LRRC40: variants seen among roughly 807,000 people sequenced by gnomAD.
The protein encoded by LRRC40 is leucine-rich repeat-containing protein 40.
A neutral mutation model predicts 72.8 loss-of-function variants in LRRC40; 76 were observed. The ratio of observed to expected loss-of-function variants is 1.04; its 90% confidence interval spans 0.87 to 1.26. The LOEUF is 1.26. Among genes scored for constraint, LRRC40 ranks in the 50% most tolerant of loss-of-function variants. The pLI is 0.00. For missense variants in LRRC40, 684 were observed against 698.9 expected (o/e 0.98, Z 0.24); for synonymous variants, 243 against 254.2 (o/e 0.96, Z 0.42).
chr1:70,179,308 A>T (rs1355561721), intron 5 of LRRC40, among the ~76,000 whole-genome samples: 1 of 151,978 alleles, frequency 6.6e-6, no homozygotes, highest in East Asian at 1.9e-4. Flanking sequence ...ATATAGTGAA[A>T]CATCGTCTCT....
intron 11 of LRRC40, among the ~76,000 whole-genome samples, chr1:70,154,434 T>C (rs1489798350): frequency 6.6e-6 from 1 of 152,194 alleles, no homozygotes; most frequent in Non-Finnish European, 1.5e-5. Context: ...ATTAACTTAT[T>C]TGATCCAGGA....
chr1:70,171,875 C>T (rs1465036923), intron 9 of LRRC40, among the ~76,000 whole-genome samples: 4 of 152,070 alleles, frequency 2.6e-5, no homozygotes, highest in African/African-American at 7.2e-5. Context: ...TGAAAACATA[C>T]ATTCACACTG....
chr1:70,151,712 A>G (rs1667495724), intron 12 of LRRC40: 1 of 152,090 alleles, frequency 6.6e-6, no homozygotes, highest in Non-Finnish European at 1.5e-5. Flanking sequence ...TAAGTTTAGA[A>G]TTTAAATTTA....
chr1:70,187,397 G>T, intron 2 of LRRC40, 59 bp from the exon 3 acceptor site: 1 of 825,694 alleles, frequency 1.2e-6, no homozygotes, highest in Non-Finnish European at 2.0e-6. Flanking sequence ...CAATATATAA[G>T]CTTTGCCAGT....
intron 1 of LRRC40, among the ~76,000 whole-genome samples, chr1:70,193,187 G>C (rs1434155298): frequency 1.3e-5 from 2 of 151,282 alleles, no homozygotes; most frequent in East Asian, 3.9e-4. Context: ...AACAAACAGA[G>C]AAAAAGCAAT....
intron 11 of LRRC40, among the ~76,000 whole-genome samples, chr1:70,153,819 A>C (rs993283012): frequency 1.3e-5 from 2 of 152,026 alleles, no homozygotes; most frequent in African/African-American, 4.8e-5. Context: ...TGGTCTCTAC[A>C]AAAATTAGTG....
At position 70,185,520 on chromosome 1, in the gene LRRC40, A is replaced by G. The variant is rs371269920; in HGVS notation, c.408-606T>C. 1.9e-3 allele frequency among the ~76,000 whole-genome samples: 282 copies of G among 152,268 alleles called. 2 individuals carry two copies. Among genetic ancestry groups the G allele is most frequent in the African/African-American group, 6.4e-3 (264 of 41,558 alleles). On this transcript the variant is annotated intron_variant, in intron 3 of 14. Coordinates refer to ENST00000370952, the MANE Select transcript of LRRC40 (RefSeq NM_017768.5). ...CCATGATTCTGAGGCATCCCCAGCCATGTGGAACTGTAAGTCCAATTAAAC... is the reference window on the plus strand; with the variant it reads ...CCATGATTCTGAGGCATCCCCAGCCGTGTGGAACTGTAAGTCCAATTAAAC...
chr1:70,200,516 T>C (rs1668713357), intron 1 of LRRC40, among the ~76,000 whole-genome samples: 1 of 151,920 alleles, frequency 6.6e-6, no homozygotes, highest in African/African-American at 2.4e-5. Flanking sequence ...ACTATGTAAA[T>C]GTGAAGAGAG....
Position 70,155,689 on chromosome 1 carries a change from C to A in LRRC40, c.1328G>T (p.Arg443Met). 6.7e-7 allele frequency: 1 copy of A among 1,486,026 alleles called. No individual in the cohort carries two copies. The highest frequency in any genetic ancestry group is 9.2e-7 in the Non-Finnish European group (1 of 1,089,052). 92.1% of individuals were successfully genotyped at this position (1,486,026 alleles called of 1,614,324 possible). ...SKNQLCEIPK[R>M]MVELKEMVSD... ...ATAGACATGGCATCATAGTTCTTACCTTTTTGGAATTTCACATAGTTGATT... is the reference window on the plus strand; with the variant it reads ...ATAGACATGGCATCATAGTTCTTACATTTTTGGAATTTCACATAGTTGATT... Residue 443 changes from arginine (R) to methionine (M), a missense_variant and splice_region_variant, in exon 11 of 15, where the codon AGG (arginine) becomes ATG (methionine). Transcript: ENST00000370952.
intron 9 of LRRC40, among the ~76,000 whole-genome samples, chr1:70,161,041 A>G (rs575612872): frequency 1.3e-5 from 2 of 152,212 alleles, no homozygotes; most frequent in South Asian, 4.1e-4. Context: ...ACAAGAACAC[A>G]GCCAAATAAG....
At chr1:70,149,015 C>T (rs539692645) in intron 13 of LRRC40, among the ~76,000 whole-genome samples, 5 of 152,060 alleles carry the variant, frequency 3.3e-5, no homozygotes, top group African/African-American at 4.8e-5. Flanking sequence ...TTCACTTTTA[C>T]TTCTTATGAA....
intron 1 of LRRC40, among the ~76,000 whole-genome samples, chr1:70,202,748 A>G (rs1191244373): frequency 6.6e-6 from 1 of 152,244 alleles, no homozygotes; most frequent in African/African-American, 2.4e-5. Context: ...CATTAATGCA[A>G]GATGTTAATA....
Position 70,145,023 on chromosome 1 carries a change from A to G in LRRC40, c.*777T>C, listed in dbSNP as rs774525430. 6.6e-6 allele frequency: 1 copy of G among 151,382 alleles called. No individual in the cohort carries two copies. The highest frequency in any genetic ancestry group is 2.4e-5 in the African/African-American group (1 of 40,976). The allele number at this position is 151,382 out of a possible 1,614,324, so 9.4% of individuals were successfully genotyped here. On this transcript the variant is annotated 3_prime_UTR_variant, in exon 15 of 15. Coordinates refer to ENST00000370952, the MANE Select transcript of LRRC40 (RefSeq NM_017768.5). The stretch of plus-strand genomic sequence containing the variant: ...TCTGATAATTTTGGTGTAAACAAAA[A>G]TGATATTTAATTTTTATTAAATCAA...
chr1:70,194,189 T>C (rs1668560601), intron 1 of LRRC40, among the ~76,000 whole-genome samples: 1 of 152,090 alleles, frequency 6.6e-6, no homozygotes, highest in Non-Finnish European at 1.5e-5. Context: ...ATCATCTATG[T>C]ACAAAGTGCT....
At chr1:70,169,351 A>G (rs1667954464) in intron 9 of LRRC40, among the ~76,000 whole-genome samples, 1 of 152,192 alleles carries the variant, frequency 6.6e-6, no homozygotes, top group Non-Finnish European at 1.5e-5. Context: ...CTTTACTACA[A>G]CTGTCTTGGT....
chr1:70,183,336 G>A (rs145194943), intron 4 of LRRC40, among the ~76,000 whole-genome samples: 101 of 151,596 alleles, frequency 6.7e-4, no homozygotes, highest in African/African-American at 2.2e-3. Flanking sequence ...TAGTACCTTC[G>A]ATTTAATACA....
chr1:70,192,360 T>C (rs899232116), intron 1 of LRRC40, among the ~76,000 whole-genome samples: 2 of 151,956 alleles, frequency 1.3e-5, no homozygotes, highest in East Asian at 3.9e-4. Flanking sequence ...TTAAACACTG[T>C]TGGTAGGAGT....
At position 70,148,685 on chromosome 1, in the gene LRRC40, G is replaced by A; in HGVS notation, c.1518-13C>T. ...TAGCATTTTAAACCTATTAATACAT[G>A]AACAGAACACCTAAATATACTGGAA... On this transcript the variant is annotated splice_polypyrimidine_tract_variant and intron_variant, in intron 13 of 14. Coordinates refer to ENST00000370952, the MANE Select transcript of LRRC40 (RefSeq NM_017768.5). 6.5e-6 allele frequency: 10 copies of A among 1,537,456 alleles called. No homozygotes were observed. Among genetic ancestry groups the A allele is most frequent in the African/African-American group, 1.4e-5 (1 of 73,270 alleles).
rs1667707204 is a variant in LRRC40 at position 70,159,325 on chromosome 1, C to T, written c.1220+5G>A. On this transcript the variant is annotated splice_donor_5th_base_variant and intron_variant, in intron 10 of 14. Coordinates refer to ENST00000370952, the MANE Select transcript of LRRC40 (RefSeq NM_017768.5). ...TAAAAATAAAAATAATAATAAATTA[C>T]ATACCTATAGTCTAATATTTTTAAT... 2 of 1,232,824 alleles carry T rather than the reference C, an allele frequency of 1.6e-6. No individual in the cohort carries two copies. Among genetic ancestry groups the T allele is most frequent in the Non-Finnish European group, 2.3e-6 (2 of 862,662 alleles). The allele number at this position is 1,232,824 out of a possible 1,614,324, so 76.4% of individuals were successfully genotyped here. A position where few individuals can be genotyped will look rare whatever the true frequency, so the allele number is the denominator to read the frequency against.
Sources: allele counts gnomAD v4.1 joint callset (sites outside exome capture counted in the v4.1 genomes callset), GRCh38; gene constraint gnomAD v4.1.1; transcripts MANE v1.5; gene names NCBI Gene and HGNC (gene_info 2026-07-23, HGNC 2026-07-21).